OR7E24: variants seen among roughly 807,000 people sequenced by gnomAD.
OR7E24 encodes the protein olfactory receptor family 7 subfamily E member 24.
For synonymous variants in OR7E24, 130 were observed against 157.5 expected (o/e 0.83, Z 1.31); for missense variants, 385 against 410.3 (o/e 0.94, Z 0.53).
At chr19:9,244,649 G>C (rs563765316), upstream of OR7E24, among the ~76,000 whole-genome samples, 1 of 152,250 alleles carries the variant, frequency 6.6e-6, no homozygotes, top group African/African-American at 2.4e-5. Flanking sequence ...GTAATGATTT[G>C]ATCAATACCT....
chr19:9,232,467 G>A, the OR7E24 span, among the ~76,000 whole-genome samples: 1 of 151,140 alleles, frequency 6.6e-6, no homozygotes, highest in East Asian at 1.9e-4. Context: ...GAACCTGGGA[G>A]GCGGAGGTTG....
At chr19:9,224,328 G>A in the OR7E24 span, among the ~76,000 whole-genome samples, 14 of 152,128 alleles carry the variant, frequency 9.2e-5, no homozygotes, top group East Asian at 3.9e-4. Flanking sequence ...TTGGTACCCC[G>A]TCATCAAGCA....
the OR7E24 span, chr19:9,235,606 T>A: frequency 6.4e-7 from 1 of 1,565,954 alleles, no homozygotes; most frequent in Admixed American, 1.7e-5. Context: ...CATTTTCTGG[T>A]TCTCCCTGGT....
the OR7E24 span, among the ~76,000 whole-genome samples, chr19:9,217,803 T>C: frequency 1.9e-3 from 294 of 152,268 alleles, 1 homozygote; most frequent in African/African-American, 6.6e-3. Flanking sequence ...CCTCCCAAAA[T>C]GCTGGGATTA....
chr19:9,212,673 TA>T, the OR7E24 span: 3 of 152,176 alleles, frequency 2.0e-5, no homozygotes, highest in East Asian at 1.9e-4. Flanking sequence ...AGTATATTAC[TA>T]GGAACCATTT....
At chr19:9,216,544 A>G in the OR7E24 span, among the ~76,000 whole-genome samples, 3 of 152,098 alleles carry the variant, frequency 2.0e-5, no homozygotes, top group Non-Finnish European at 4.4e-5. Flanking sequence ...TTTGTCTACT[A>G]TGATTTCTGT....
At chr19:9,225,982 G>A in the OR7E24 span, among the ~76,000 whole-genome samples, 73 of 152,280 alleles carry the variant, frequency 4.8e-4, no homozygotes, top group Non-Finnish European at 9.6e-4. Context: ...TTGCTCCTGG[G>A]CTGCTCCCAT....
the OR7E24 span, chr19:9,207,987 A>G: frequency 6.6e-6 from 1 of 151,750 alleles, no homozygotes; most frequent in African/African-American, 2.4e-5. Flanking sequence ...CCTCTGTTCA[A>G]TTCTCTTCAT....
At chr19:9,234,997 C>A in the OR7E24 span, 1 of 499,100 alleles carries the variant, frequency 2.0e-6, no homozygotes, top group South Asian at 3.3e-5. Context: ...TTGAGAAACT[C>A]CGCACGTTTC....
chr19:9,238,985 T>C, the OR7E24 span, among the ~76,000 whole-genome samples: 4 of 152,202 alleles, frequency 2.6e-5, no homozygotes, highest in East Asian at 7.7e-4. Context: ...AAAACAGAAA[T>C]GCAGATATCT....
chr19:9,232,651 A>G, the OR7E24 span, among the ~76,000 whole-genome samples: 2 of 151,770 alleles, frequency 1.3e-5, no homozygotes, highest in Non-Finnish European at 2.9e-5. Flanking sequence ...AAGCTTATCT[A>G]TAAAATCCCA....
chr19:9,239,279 C>T, the OR7E24 span, among the ~76,000 whole-genome samples: 1 of 152,018 alleles, frequency 6.6e-6, no homozygotes, highest in Admixed American at 6.6e-5. Context: ...ACACCATTCT[C>T]CTTCCTCAGC....
upstream of OR7E24, among the ~76,000 whole-genome samples, chr19:9,248,430 A>C (rs1232741323): frequency 1.3e-5 from 2 of 152,176 alleles, no homozygotes; most frequent in Non-Finnish European, 2.9e-5. Context: ...CCACATTTGC[A>C]CCAGGCAGTC....
chr19:9,236,079 C>T, the OR7E24 span: 13 of 1,467,342 alleles, frequency 8.9e-6, no homozygotes, highest in African/African-American at 1.4e-5. Context: ...CCTCTTGTCT[C>T]TTACGGTACA....
the OR7E24 span, among the ~76,000 whole-genome samples, chr19:9,240,505 C>T: frequency 2.0e-5 from 3 of 152,218 alleles, no homozygotes; most frequent in South Asian, 2.1e-4. Context: ...TGTGTGTTCT[C>T]GGCATCTTTG....
At chr19:9,214,268 A>G in the OR7E24 span, 1 of 1,614,200 alleles carries the variant, frequency 6.2e-7, no homozygotes, top group East Asian at 2.2e-5. Context: ...GGAGGGTGTT[A>G]GAGCAGGCCA....
chr19:9,232,538 CAAAAA>C, the OR7E24 span, among the ~76,000 whole-genome samples: 7 of 62,554 alleles, frequency 1.1e-4, no homozygotes, highest in African/African-American at 3.1e-4. Flanking sequence ...AACTCCGTCG[CAAAAA>C]AAAAAAAAAA....
At chr19:9,232,353 C>A in the OR7E24 span, among the ~76,000 whole-genome samples, 3 of 152,056 alleles carry the variant, frequency 2.0e-5, no homozygotes, top group Non-Finnish European at 4.4e-5. Flanking sequence ...TCCTGGCCAA[C>A]ATGGTGAAAC....
chr19:9,228,031 G>A, the OR7E24 span, among the ~76,000 whole-genome samples: 4 of 152,106 alleles, frequency 2.6e-5, no homozygotes, highest in Non-Finnish European at 5.9e-5. Context: ...GGGATTACAG[G>A]CGTGAGCCAC....
Sources: gnomAD v4.1 joint callset for allele counts (sites outside exome capture counted in the v4.1 genomes callset) on GRCh38, gnomAD v4.1.1 for gene constraint, MANE v1.5 for transcripts, NCBI Gene and HGNC (gene_info 2026-07-23, HGNC 2026-07-21) for gene names.